The following CRACD variants were observed in gnomAD, a reference collection of about 807,000 sequenced individuals.
The protein encoded by CRACD is capping protein-inhibiting regulator of actin dynamics.
Under a neutral mutation model 106.8 loss-of-function variants are expected in CRACD, and 56 were observed. The ratio of observed to expected loss-of-function variants is 0.52; its 90% CI spans 0.42 to 0.66. CRACD has a LOEUF of 0.66. Among genes scored for constraint, CRACD ranks in the 30% least tolerant of loss-of-function variants. CRACD has a pLI of 0.00. For missense variants in CRACD, 1,730 were observed against 1,623.2 expected (o/e 1.07, Z -1.13); for synonymous variants, 754 against 670.8 (o/e 1.12, Z -1.92).
At chr4:56,254,100 C>G (rs1387551907) in intron 2 of CRACD, among the ~76,000 whole-genome samples, 1 of 152,118 alleles carries the variant, frequency 6.6e-6, no homozygotes, top group Non-Finnish European at 1.5e-5. Context: ...TTTTGTCTCC[C>G]CAGAATAGGA....
intron 2 of CRACD, among the ~76,000 whole-genome samples, chr4:56,182,386 A>G (rs1198844767): frequency 2.0e-5 from 3 of 151,876 alleles, no homozygotes; most frequent in African/African-American, 4.8e-5. Flanking sequence ...AAACGAGCAA[A>G]CAAAAAAAGC....
intron 2 of CRACD, among the ~76,000 whole-genome samples, chr4:56,217,430 G>A (rs1738766223): frequency 6.6e-6 from 1 of 151,424 alleles, no homozygotes; most frequent in Non-Finnish European, 1.5e-5. Context: ...AAAGGGGGAG[G>A]TGGGGTGGGA....
intron 1 of CRACD, among the ~76,000 whole-genome samples, chr4:56,130,429 A>G (rs1577681899): frequency 6.6e-6 from 1 of 152,192 alleles, no homozygotes; most frequent in East Asian, 1.9e-4. Flanking sequence ...ATTAATCCTC[A>G]GTTGTTATCA....
intron 8 of CRACD, chr4:56,321,053 C>A: frequency 5.7e-6 from 1 of 176,178 alleles, no homozygotes. Flanking sequence ...TTGAGCTAAG[C>A]CTGGTCAGTG....
chr4:56,254,929 C>A (rs1293489277), intron 2 of CRACD, among the ~76,000 whole-genome samples: 1 of 151,520 alleles, frequency 6.6e-6, no homozygotes, highest in East Asian at 1.9e-4. Context: ...CATGGTGAAA[C>A]CCCATCTCTA....
intron 1 of CRACD, among the ~76,000 whole-genome samples, chr4:56,131,006 T>G (rs1488974170): frequency 6.6e-6 from 1 of 152,216 alleles, no homozygotes; most frequent in East Asian, 1.9e-4. Context: ...CTCATAAGCT[T>G]GCTTGTTATA....
In CRACD at chr4:56,123,973, A is replaced by T. The variant is rs148336858; in HGVS notation, c.-335-55311A>T. Among the ~76,000 whole-genome samples the T allele has an allele frequency of 9.8e-3, 1,489 of 151,804 alleles. 25 individuals carry two copies. The highest frequency in any genetic ancestry group is 0.034 in the African/African-American group (1,392 of 41,338). On this transcript the variant is annotated intron_variant, in intron 1 of 10. Transcript: ENST00000682029. ...TTTTTTTTTATACGGAGTCTTGCTC[A>T]GTTGCCCAGGCTGGAGTGCAATGGC...
chr4:56,072,517 C>G (rs1046899986), intron 1 of CRACD, among the ~76,000 whole-genome samples: 8 of 152,222 alleles, frequency 5.3e-5, no homozygotes, highest in African/African-American at 1.9e-4. Context: ...ACCCTCTACT[C>G]TGCACAATGC....
Position 56,240,247 on chromosome 4 carries a change from G to A in CRACD, c.-188-32074G>A, listed in dbSNP as rs192736510. Among the ~76,000 whole-genome samples the A allele has an allele frequency of 3.7e-3, 562 of 152,174 alleles. 1 individual carries two copies. The highest frequency in any genetic ancestry group is 6.2e-3 in the Non-Finnish European group (420 of 68,012). On this transcript the variant is annotated intron_variant, in intron 2 of 10. Transcript: ENST00000682029. Reference sequence around the variant, plus strand: ...AAGGAGGACGTGGACAAAAAACACCGTGATAGAGATATGCCAAAGGATTGC... The same window carrying A: ...AAGGAGGACGTGGACAAAAAACACCATGATAGAGATATGCCAAAGGATTGC...
At chr4:56,253,952 G>A (rs1348561087) in intron 2 of CRACD, among the ~76,000 whole-genome samples, 2 of 152,118 alleles carry the variant, frequency 1.3e-5, no homozygotes, top group Non-Finnish European at 2.9e-5. Context: ...TATTCAAAGA[G>A]GCAATACATC....
At chr4:56,080,216 A>G (rs1289355226) in intron 1 of CRACD, among the ~76,000 whole-genome samples, 1 of 152,164 alleles carries the variant, frequency 6.6e-6, no homozygotes, top group Non-Finnish European at 1.5e-5. Context: ...AATCTTTTTT[A>G]AAAAACGGTG....
chr4:56,127,314 G>A (rs7673503), intron 1 of CRACD, among the ~76,000 whole-genome samples: 100,914 of 152,024 alleles, frequency 0.66, 34,551 homozygotes, highest in African/African-American at 0.84. Flanking sequence ...CAGCACAAAC[G>A]GACTAAGACA....
chr4:56,227,475 A>G (rs536869901), intron 2 of CRACD, among the ~76,000 whole-genome samples: 14 of 150,990 alleles, frequency 9.3e-5, no homozygotes, highest in African/African-American at 3.4e-4. Flanking sequence ...GGTCTTTCTG[A>G]ATCTACTGGC....
At chr4:56,254,712 C>G (rs1417905406) in intron 2 of CRACD, among the ~76,000 whole-genome samples, 1 of 152,032 alleles carries the variant, frequency 6.6e-6, no homozygotes, top group Non-Finnish European at 1.5e-5. Context: ...CCCTACATCT[C>G]TAAGAGCTTT....
At chr4:56,307,844 A>T in intron 5 of CRACD, 145 bp downstream of exon 5, 1 of 745,170 alleles carries the variant, frequency 1.3e-6, no homozygotes. Flanking sequence ...ACTTCCTGGT[A>T]GGTGTCCTGA....
chr4:56,124,399 A>C (rs1193701001), intron 1 of CRACD, among the ~76,000 whole-genome samples: 1 of 152,204 alleles, frequency 6.6e-6, no homozygotes. Context: ...TTTAAAGCAA[A>C]TTCTAGACAT....
intron 2 of CRACD, among the ~76,000 whole-genome samples, chr4:56,197,915 G>A (rs1348180132): frequency 6.6e-6 from 1 of 152,122 alleles, no homozygotes; most frequent in African/African-American, 2.4e-5. Context: ...CTGACCTTCT[G>A]ATCCGCCCGC....
chr4:56,141,427 G>T (rs1735192899), intron 1 of CRACD, among the ~76,000 whole-genome samples: 1 of 152,158 alleles, frequency 6.6e-6, no homozygotes, highest in South Asian at 2.1e-4. Flanking sequence ...TGAAATAAAG[G>T]TTCCTTAAAG....
chr4:56,139,646 A>T (rs982190036), intron 1 of CRACD, among the ~76,000 whole-genome samples: 3 of 152,182 alleles, frequency 2.0e-5, no homozygotes, highest in African/African-American at 7.2e-5. Flanking sequence ...TGAAGCAATG[A>T]CAGTGTGAGA....
Sources: gnomAD v4.1 joint callset for allele counts (sites outside exome capture counted in the v4.1 genomes callset) on GRCh38, gnomAD v4.1.1 for gene constraint, MANE v1.5 for transcripts, NCBI Gene and HGNC (gene_info 2026-07-23, HGNC 2026-07-21) for gene names.